IQSEC1: variants seen among roughly 807,000 people sequenced by gnomAD.
IQSEC1 encodes the protein IQ motif and SEC7 domain-containing protein 1.
Under a neutral mutation model 91.0 loss-of-function variants are expected in IQSEC1, and 31 were observed. The observed-to-expected ratio is 0.34, with a 90% CI of 0.26 to 0.46. The LOEUF (loss-of-function observed/expected upper bound fraction) is 0.46, where lower values mean the gene tolerates loss of function less well. IQSEC1 is among the 20% of genes least tolerant of loss of function. The probability of loss-of-function intolerance (pLI) is 1.00; values close to 1 mark genes in which losing one functional copy is unlikely to be tolerated. For missense variants in IQSEC1, 1,388 were observed against 1,575.6 expected (o/e 0.88, Z 2.02); for synonymous variants, 699 against 662.6 (o/e 1.05, Z -0.84).
intron 1 of IQSEC1, among the ~76,000 whole-genome samples, chr3:13,070,931 T>C (rs564963629): frequency 6.6e-6 from 1 of 152,306 alleles, no homozygotes; most frequent in Admixed American, 6.5e-5. Context: ...AAGCAGACTC[T>C]CCAGGGAAGA....
intron 2 of IQSEC1, among the ~76,000 whole-genome samples, chr3:13,104,675 C>T (rs1219992375): frequency 6.6e-6 from 1 of 152,208 alleles, no homozygotes; most frequent in East Asian, 1.9e-4. Flanking sequence ...GACTCAGCTG[C>T]TCTCACGGGA....
intron 1 of IQSEC1, among the ~76,000 whole-genome samples, chr3:13,257,244 G>A (rs941006840): frequency 6.6e-6 from 1 of 152,094 alleles, no homozygotes; most frequent in African/African-American, 2.4e-5. Context: ...TCATTCTCAC[G>A]GGCATGATTT....
chr3:13,154,308 G>A (rs1330609800), intron 2 of IQSEC1, among the ~76,000 whole-genome samples: 1 of 150,706 alleles, frequency 6.6e-6, no homozygotes, highest in Non-Finnish European at 1.5e-5. Flanking sequence ...CACAAGGGCA[G>A]GGCCTTCTGG....
At position 13,225,716 on chromosome 3, in the gene IQSEC1, A is replaced by G. The variant is rs528310128; in HGVS notation, c.272+56995T>C. 2.4e-3 allele frequency among the ~76,000 whole-genome samples: 362 copies of G among 152,360 alleles called. 1 individual carries two copies. Among genetic ancestry groups the G allele is most frequent in the African/African-American group, 8.3e-3 (346 of 41,588 alleles). ...AGATCACTTCTAAGGACTCTGAGAA[A>G]GGTATATCCACAGGACAATGGAAGC... On this transcript the variant is annotated intron_variant, in intron 1 of 15. Coordinates refer to the IQSEC1 transcript ENST00000648114.
intron 1 of IQSEC1, chr3:13,022,664 C>CCCTGCAGCCCAAAG (rs1703455949): frequency 6.2e-6 from 1 of 160,718 alleles, no homozygotes; most frequent in Admixed American, 6.5e-5. Flanking sequence ...CCAACTCCCG[C>CCCTGCAGCCCAAAG]CCTGCAGCCC....
intron 1 of IQSEC1, among the ~76,000 whole-genome samples, chr3:12,966,723 G>A (rs369573381): frequency 3.9e-5 from 6 of 152,254 alleles, no homozygotes; most frequent in Admixed American, 2.6e-4. Context: ...ACAAACAGCA[G>A]CCACACACCC....
Position 12,900,975 on chromosome 3 carries a change from C to G in IQSEC1, c.*8G>C, listed in dbSNP as rs1389253693. 1.9e-6 allele frequency: 3 copies of G among 1,543,212 alleles called. No individual in the cohort carries two copies. The highest frequency in any genetic ancestry group is 2.6e-6 in the Non-Finnish European group (3 of 1,146,772). Reference sequence around the variant, plus strand: ...TTTCAGGGAGCCTGGGACCCCTACCCAGGCTGTCTACACAATTGTGCTGAT... The same window carrying G: ...TTTCAGGGAGCCTGGGACCCCTACCGAGGCTGTCTACACAATTGTGCTGAT... On this transcript the variant is annotated 3_prime_UTR_variant, in exon 14 of 14. Coordinates refer to ENST00000613206, the MANE Select transcript of IQSEC1 (RefSeq NM_001134382.3).
chr3:12,989,049 T>G (rs1406472589), intron 1 of IQSEC1, among the ~76,000 whole-genome samples: 1 of 152,248 alleles, frequency 6.6e-6, no homozygotes, highest in Non-Finnish European at 1.5e-5. Context: ...ACCAAGGCTC[T>G]CCTCTCTGGT....
Position 13,207,536 on chromosome 3 carries a change from C to T in IQSEC1, c.273-43403G>A, listed in dbSNP as rs751132825. 1.3e-5 allele frequency among the ~76,000 whole-genome samples: 2 copies of T among 152,178 alleles called. No individual in the cohort carries two copies. The highest frequency in any genetic ancestry group is 1.9e-4 in the East Asian group (1 of 5,194). ...TGCCAACGTGCCAGTGGGTTCCCTT[C>T]GTACTCCACGCCAGTTCCCATTCGC... On this transcript the variant is annotated intron_variant, in intron 1 of 15. Transcript: ENST00000648114. The surrounding 1 kb of genome is among the most constrained non-coding windows in gnomAD (Gnocchi z 4.8).
At chr3:12,945,530 C>CA (rs1264625719) in intron 1 of IQSEC1, among the ~76,000 whole-genome samples, 16,823 of 119,130 alleles carry the variant, frequency 0.14, 1,101 homozygotes, top group South Asian at 0.21. Context: ...TTCCACACTC[C>CA]AAAAAAAAAA....
Position 12,992,426 on chromosome 3 carries a change from T to C in IQSEC1, c.24-50561A>G, listed in dbSNP as rs751221737. Among the ~76,000 whole-genome samples the C allele has an allele frequency of 3.9e-5, 6 of 152,126 alleles. No individual in the cohort carries two copies. Among genetic ancestry groups the C allele is most frequent in the Non-Finnish European group, 5.9e-5 (4 of 68,008 alleles). ...CTGGTTTCTGGGCTCTAATTGCACA[T>C]GGCTTCAGCAGCCTGGCCATCTTGC... On this transcript the variant is annotated intron_variant, in intron 1 of 13. Coordinates refer to ENST00000613206, the MANE Select transcript of IQSEC1 (RefSeq NM_001134382.3). The surrounding 1 kb of genome is among the most constrained non-coding windows in gnomAD (Gnocchi z 4.1).
intron 2 of IQSEC1, among the ~76,000 whole-genome samples, chr3:13,135,229 T>C (rs1263433566): frequency 6.6e-6 from 1 of 152,060 alleles, no homozygotes; most frequent in Non-Finnish European, 1.5e-5. Context: ...TTCAAGGAGG[T>C]TGTCCTTGTC....
At chr3:12,968,569 C>G (rs1178795452) in intron 1 of IQSEC1, among the ~76,000 whole-genome samples, 1 of 152,204 alleles carries the variant, frequency 6.6e-6, no homozygotes, top group Non-Finnish European at 1.5e-5. Context: ...CTCACTCTTT[C>G]CTCCTCTCCC....
Position 13,021,891 on chromosome 3 carries a change from C to G in IQSEC1, c.23+51101G>C, listed in dbSNP as rs73147233. 4.8e-3 allele frequency: 2,242 copies of G among 467,596 alleles called. 39 individuals are homozygous for G. Among genetic ancestry groups the G allele is most frequent in the African/African-American group, 0.04 (2,004 of 49,880 alleles). The allele number at this position is 467,596 out of a possible 1,614,324, so 29.0% of individuals were successfully genotyped here. Reference sequence around the variant, plus strand: ...CACACCCCCTGGTCATTGTTCCACTCTCCTCCTCCCGCTCCACCAGAGACT... The same window carrying G: ...CACACCCCCTGGTCATTGTTCCACTGTCCTCCTCCCGCTCCACCAGAGACT... On this transcript the variant is annotated intron_variant, in intron 1 of 13. Transcript: ENST00000613206.
chr3:13,251,074 G>T (rs1695186711), intron 1 of IQSEC1, among the ~76,000 whole-genome samples: 2 of 152,076 alleles, frequency 1.3e-5, no homozygotes, highest in Admixed American at 1.3e-4. Flanking sequence ...CTCCCCCTCA[G>T]TCACACCAGC....
chr3:13,192,131 C>G (rs1031725120), intron 1 of IQSEC1, among the ~76,000 whole-genome samples: 13 of 151,858 alleles, frequency 8.6e-5, no homozygotes, highest in African/African-American at 3.1e-4. Flanking sequence ...GTCAGGAGAT[C>G]GAGACCATCC....
chr3:13,168,658 C>G (rs1693545705), intron 1 of IQSEC1, among the ~76,000 whole-genome samples: 1 of 152,194 alleles, frequency 6.6e-6, no homozygotes, highest in Non-Finnish European at 1.5e-5. Flanking sequence ...CACACCCTTT[C>G]ATTCTGCCCT....
rs1295615762 is a variant in IQSEC1 at position 12,992,149 on chromosome 3, G to C, written c.24-50284C>G. ...AGGATGACTGGGTTGCTGGAGAGCT[G>C]GGGACAGGGCCCCTCGGCTCTGAAT... is the stretch of plus-strand genomic sequence containing the variant. On this transcript the variant is annotated intron_variant, in intron 1 of 13. Transcript: ENST00000613206. The surrounding 1 kb of genome is among the most constrained non-coding windows in gnomAD (Gnocchi z 4.1). Among the ~76,000 whole-genome samples, 1 of 152,142 alleles carries C rather than the reference G, an allele frequency of 6.6e-6. No individual in the cohort carries two copies. The highest frequency in any genetic ancestry group is 1.5e-5 in the Non-Finnish European group (1 of 68,032).
intron 1 of IQSEC1, among the ~76,000 whole-genome samples, chr3:13,194,697 G>T (rs1249076329): frequency 1.3e-5 from 2 of 152,000 alleles, no homozygotes; most frequent in African/African-American, 4.8e-5. Context: ...ACTGAGAGGC[G>T]AGGTCCGTGC....
Sources: gnomAD v4.1 joint callset for allele counts (sites outside exome capture counted in the v4.1 genomes callset) on GRCh38, gnomAD v4.1.1 for gene constraint, Gnocchi (gnomAD v3.1) non-coding constraint, MANE v1.5 for transcripts, NCBI Gene and HGNC (gene_info 2026-07-23, HGNC 2026-07-21) for gene names.